PTN: variants seen among roughly 807,000 people sequenced by gnomAD.
PTN encodes the protein heparin affin regulatory protein.
In PTN, 18 loss-of-function variants were observed where a neutral mutation model predicts 24.1. The observed-to-expected ratio is 0.75, with a 90% CI of 0.52 to 1.11. The LOEUF (loss-of-function observed/expected upper bound fraction) is 1.11, where lower values mean the gene tolerates loss of function less well. PTN is among the 50% of genes least tolerant of loss of function. PTN has a pLI of 0.00. For synonymous variants in PTN, 78 were observed against 68.6 expected (o/e 1.14, Z -0.67); for missense variants, 163 against 198.8 (o/e 0.82, Z 1.08).
At chr7:137,243,988 AC>A (rs1253823410) in intron 4 of PTN, among the ~76,000 whole-genome samples, 1 of 152,090 alleles carries the variant, frequency 6.6e-6, no homozygotes, top group East Asian at 1.9e-4. Flanking sequence ...ACTATATAAT[AC>A]CCTTGAATAG....
intron 4 of PTN, among the ~76,000 whole-genome samples, chr7:137,239,107 G>A (rs1438807668): frequency 6.6e-6 from 1 of 152,146 alleles, no homozygotes; most frequent in Non-Finnish European, 1.5e-5. Flanking sequence ...AATATTTATA[G>A]CTGCTAGTTC....
intron 1 of PTN, among the ~76,000 whole-genome samples, chr7:137,317,197 T>C (rs573307143): frequency 6.6e-6 from 1 of 152,170 alleles, no homozygotes; most frequent in Non-Finnish European, 1.5e-5. Context: ...GGGCTGGCCA[T>C]TCAGATGGAG....
chr7:137,249,375 T>A (rs1372069176), intron 4 of PTN, among the ~76,000 whole-genome samples: 1 of 151,980 alleles, frequency 6.6e-6, no homozygotes, highest in Non-Finnish European at 1.5e-5. Flanking sequence ...GTTCTCAATT[T>A]TGGCTGCATC....
At chr7:137,243,683 G>T (rs1808672685) in intron 4 of PTN, among the ~76,000 whole-genome samples, 1 of 152,174 alleles carries the variant, frequency 6.6e-6, no homozygotes, top group Non-Finnish European at 1.5e-5. Flanking sequence ...AATGAGATGT[G>T]GAGGTAGACG....
In PTN at chr7:137,228,062, C is replaced by T. The variant is rs947924207; in HGVS notation, c.465G>A (p.Lys155=). The T allele has an allele frequency of 3.2e-6, 5 of 1,572,964 alleles. No individual in the cohort carries two copies. The highest frequency in any genetic ancestry group is 4.4e-6 in the Non-Finnish European group (5 of 1,145,118). Residue 155 remains lysine, a synonymous_variant, in exon 5 of 5, where the codon AAG becomes AAA. Transcript: ENST00000348225. The part of the protein sequence containing the change: ...TKPKPQAESK[K]KKKEGKKQEK... ...CCTGTTTCTTGCCTTCCTTTTTCTT[C>T]TTCTTAGATTCTGCTGTGATTACAA...
intron 1 of PTN, among the ~76,000 whole-genome samples, chr7:137,275,260 ATAATC>A (rs1390265189): frequency 6.6e-6 from 1 of 152,236 alleles, no homozygotes; most frequent in Non-Finnish European, 1.5e-5. Context: ...AAGAAATAGA[ATAATC>A]TAAAGTTTCA....
intron 1 of PTN, among the ~76,000 whole-genome samples, chr7:137,336,360 G>T (rs1035730483): frequency 6.6e-6 from 1 of 152,038 alleles, no homozygotes; most frequent in African/African-American, 2.4e-5. Context: ...CTCCTTCCCT[G>T]GACTGAAGCC....
At chr7:137,289,436 C>T (rs963628416) in intron 1 of PTN, among the ~76,000 whole-genome samples, 6 of 152,166 alleles carry the variant, frequency 3.9e-5, no homozygotes, top group Non-Finnish European at 7.3e-5. Flanking sequence ...CGAGCAACCA[C>T]GAATCCAAGT....
At position 137,227,998 on chromosome 7, in the gene PTN, T is replaced by C; in HGVS notation, c.*22A>G. ...TGATCCTGTTTGCTGATGTCCTTTT[T>C]ATGTTCCACAGGTGACATCTTTTAA... On this transcript the variant is annotated 3_prime_UTR_variant, in exon 5 of 5. Transcript: ENST00000348225. The C allele has an allele frequency of 1.2e-6, 2 of 1,604,512 alleles. No individual in the cohort carries two copies. Among genetic ancestry groups the C allele is most frequent in the Non-Finnish European group, 1.7e-6 (2 of 1,175,998 alleles).
chr7:137,290,530 T>C (rs1215040531), intron 1 of PTN, among the ~76,000 whole-genome samples: 1 of 152,216 alleles, frequency 6.6e-6, no homozygotes. Context: ...AAATAATGGT[T>C]ATATTAATAA....
chr7:137,269,624 A>ATTTTTTTTTTTTTTT lies in PTN; in HGVS notation c.-1-14665_-1-14651dup, dbSNP rs869311084. Among the ~76,000 whole-genome samples the ATTTTTTTTTTTTTTT allele has an allele frequency of 3.3e-4, 21 of 63,028 alleles. 6 individuals carry two copies. Among genetic ancestry groups the ATTTTTTTTTTTTTTT allele is most frequent in the African/African-American group, 1.6e-3 (21 of 13,410 alleles). 41.3% of individuals were successfully genotyped at this position (63,028 alleles called of 152,430 possible). ...TGCTATCTGTCAAGCTGCTTCATCT[A>ATTTTTTTTTTTTTTT]TTTTTTTTTTTTTTTTTTTTTTTTT... On this transcript the variant is annotated intron_variant, in intron 1 of 4. Transcript: ENST00000348225.
intron 1 of PTN, among the ~76,000 whole-genome samples, chr7:137,316,182 A>G (rs906947775): frequency 2.6e-5 from 4 of 152,092 alleles, no homozygotes; most frequent in Non-Finnish European, 5.9e-5. Context: ...TCATTCCAAG[A>G]TTCTCTCTTC....
chr7:137,283,235 A>G (rs1809501459), intron 1 of PTN, among the ~76,000 whole-genome samples: 1 of 152,226 alleles, frequency 6.6e-6, no homozygotes, highest in Non-Finnish European at 1.5e-5. Context: ...CATACGAGGA[A>G]CAAAACCCTA....
rs185202463 is a variant in PTN at position 137,229,594 on chromosome 7, C to T, written c.452-1519G>A. ...TTGTCCTAATCTTCCTTTACTCAAA[C>T]TTCAAGGGTACACTATATGCAAGTG... is the stretch of plus-strand genomic sequence containing the variant. On this transcript the variant is annotated intron_variant, in intron 4 of 4. Coordinates refer to ENST00000348225, the MANE Select transcript of PTN (RefSeq NM_002825.7). 2.6e-5 allele frequency among the ~76,000 whole-genome samples: 4 copies of T among 151,910 alleles called. No homozygotes were observed. The East Asian group carries it at 5.9e-4, about 22-fold the overall frequency.
At chr7:137,298,985 G>T (rs1256696994) in intron 1 of PTN, among the ~76,000 whole-genome samples, 1 of 151,910 alleles carries the variant, frequency 6.6e-6, no homozygotes, top group Non-Finnish European at 1.5e-5. Flanking sequence ...ACACTCTAAA[G>T]AGTGTTTTAT....
intron 1 of PTN, among the ~76,000 whole-genome samples, chr7:137,297,033 T>C (rs1368166191): frequency 6.6e-6 from 1 of 152,094 alleles, no homozygotes; most frequent in Non-Finnish European, 1.5e-5. Flanking sequence ...CATTTTCCAA[T>C]GTGCATGGCA....
intron 4 of PTN, among the ~76,000 whole-genome samples, chr7:137,241,765 A>C (rs1808632021): frequency 6.6e-6 from 1 of 152,134 alleles, no homozygotes; most frequent in Non-Finnish European, 1.5e-5. Flanking sequence ...AGAAATAAAA[A>C]CTTGAGACCC....
At chr7:137,266,719 A>G (rs1189757323) in intron 1 of PTN, among the ~76,000 whole-genome samples, 2 of 151,144 alleles carry the variant, frequency 1.3e-5, no homozygotes, top group African/African-American at 4.9e-5. Context: ...AGGCCACAAG[A>G]TTAGAAGTTA....
intron 4 of PTN, among the ~76,000 whole-genome samples, chr7:137,249,272 C>CGTGTGTGTGTGTGT (rs60014659): frequency 3.6e-4 from 52 of 145,370 alleles, no homozygotes; most frequent in East Asian, 1.0e-3. Flanking sequence ...GGACAGTGCA[C>CGTGTGTGTGTGTGT]GTGTGTGTGT....
Sources: allele counts gnomAD v4.1 joint callset (sites outside exome capture counted in the v4.1 genomes callset), GRCh38; gene constraint gnomAD v4.1.1; transcripts MANE v1.5; gene names NCBI Gene and HGNC (gene_info 2026-07-23, HGNC 2026-07-21).